The following RPS6KC1 variants were observed in gnomAD, a reference collection of about 807,000 sequenced individuals.
RPS6KC1 encodes ribosomal protein S6 kinase C1, also known as inactive ribosomal protein S6 kinase delta-1.
A neutral mutation model predicts 103.8 loss-of-function variants in RPS6KC1; 54 were observed. The observed-to-expected ratio is 0.52, with a 90% CI of 0.42 to 0.65. The LOEUF (loss-of-function observed/expected upper bound fraction) is 0.65. Ranked by LOEUF, RPS6KC1 falls within the 30% of genes least tolerant of loss-of-function variation. RPS6KC1 has a pLI of 0.00. For synonymous variants in RPS6KC1, 439 were observed against 438.7 expected, an observed-to-expected ratio of 1.00 and a Z score of -0.01; for missense variants, 1,151 against 1,253.8, an observed-to-expected ratio of 0.92 and a Z score of 1.24.
the RPS6KC1 span, among the ~76,000 whole-genome samples, chr1:213,710,269 A>G: frequency 6.6e-6 from 1 of 152,170 alleles, no homozygotes; most frequent in African/African-American, 2.4e-5. Flanking sequence ...CCATTATGTA[A>G]TGCCCTTCTT....
intron 6 of RPS6KC1, among the ~76,000 whole-genome samples, chr1:213,149,894 T>C (rs1244142811): frequency 6.6e-6 from 1 of 152,266 alleles, no homozygotes; most frequent in Non-Finnish European, 1.5e-5. Context: ...TATCATTATA[T>C]AGTGACCTTG....
At chr1:213,217,300 C>T (rs2093692242) in intron 8 of RPS6KC1, among the ~76,000 whole-genome samples, 2 of 152,140 alleles carry the variant, frequency 1.3e-5, no homozygotes, top group South Asian at 4.1e-4. Flanking sequence ...TTGACACATA[C>T]ACCCTCCCAA....
chr1:213,789,662 A>G, the RPS6KC1 span, among the ~76,000 whole-genome samples: 1 of 152,176 alleles, frequency 6.6e-6, no homozygotes, highest in Non-Finnish European at 1.5e-5. Flanking sequence ...TTAAAACGAT[A>G]AGGTACTCTA....
At chr1:213,848,578 G>A in the RPS6KC1 span, among the ~76,000 whole-genome samples, 18 of 151,838 alleles carry the variant, frequency 1.2e-4, no homozygotes, top group African/African-American at 4.4e-4. Flanking sequence ...TTTAAAAACT[G>A]TTATATACCC....
chr1:213,624,951 G>C, the RPS6KC1 span, among the ~76,000 whole-genome samples: 1 of 152,078 alleles, frequency 6.6e-6, no homozygotes, highest in Non-Finnish European at 1.5e-5. Flanking sequence ...GATTAAGCAT[G>C]TTCCCTCTTA....
the RPS6KC1 span, among the ~76,000 whole-genome samples, chr1:213,464,280 G>A: frequency 6.6e-6 from 1 of 152,024 alleles, no homozygotes; most frequent in South Asian, 2.1e-4. Flanking sequence ...TCTGTTCTTT[G>A]AATGCTTGGT....
At chr1:213,556,126 T>C in the RPS6KC1 span, among the ~76,000 whole-genome samples, 2 of 152,232 alleles carry the variant, frequency 1.3e-5, no homozygotes, top group Non-Finnish European at 2.9e-5. Flanking sequence ...TTATTGAATG[T>C]TTTTACCACT....
chr1:213,395,791 C>G, the RPS6KC1 span, among the ~76,000 whole-genome samples: 7 of 152,236 alleles, frequency 4.6e-5, no homozygotes, highest in Non-Finnish European at 1.0e-4. Flanking sequence ...AGGGAGCTCG[C>G]AGACCAGGTT....
chr1:213,563,392 A>G, the RPS6KC1 span, among the ~76,000 whole-genome samples: 1 of 152,100 alleles, frequency 6.6e-6, no homozygotes, highest in Non-Finnish European at 1.5e-5. Flanking sequence ...TTTTTTAAAA[A>G]GCAATAAGAA....
At chr1:213,741,149 T>C in the RPS6KC1 span, among the ~76,000 whole-genome samples, 5 of 150,968 alleles carry the variant, frequency 3.3e-5, no homozygotes, top group Non-Finnish European at 7.4e-5. Flanking sequence ...GTATATTATT[T>C]ATGGGGTACT....
chr1:213,217,066 C>A (rs375919383), intron 8 of RPS6KC1, among the ~76,000 whole-genome samples: 32 of 151,536 alleles, frequency 2.1e-4, no homozygotes, highest in Non-Finnish European at 3.8e-4. Flanking sequence ...CCCTTCAAAA[C>A]ATCAATGAAT....
At chr1:213,756,884 A>T in the RPS6KC1 span, among the ~76,000 whole-genome samples, 51,103 of 151,966 alleles carry the variant, frequency 0.34, 11,082 homozygotes, top group African/African-American at 0.62. Flanking sequence ...GTACTGGTAT[A>T]ATAGGAGTGA....
the RPS6KC1 span, among the ~76,000 whole-genome samples, chr1:213,602,123 T>TC: frequency 2.8e-3 from 109 of 39,554 alleles, 4 homozygotes; most frequent in African/African-American, 4.4e-3. Flanking sequence ...TTTCTTTCTC[T>TC]TTCTTTCTTT....
chr1:213,802,912 A>T, the RPS6KC1 span, among the ~76,000 whole-genome samples: 2 of 152,156 alleles, frequency 1.3e-5, no homozygotes, highest in African/African-American at 4.8e-5. Context: ...ATTCCAGGTG[A>T]CATGGTGACT....
the RPS6KC1 span, among the ~76,000 whole-genome samples, chr1:213,529,919 C>T: frequency 6.6e-6 from 1 of 152,082 alleles, no homozygotes; most frequent in African/African-American, 2.4e-5. Context: ...GAGATTCATC[C>T]CATCTATTCT....
At chr1:213,642,680 G>A in the RPS6KC1 span, among the ~76,000 whole-genome samples, 2 of 151,778 alleles carry the variant, frequency 1.3e-5, no homozygotes. Flanking sequence ...GTACTTTATT[G>A]TAATGAAGAA....
At chr1:213,228,099 C>T (rs2094001871) in intron 8 of RPS6KC1, among the ~76,000 whole-genome samples, 2 of 152,030 alleles carry the variant, frequency 1.3e-5, no homozygotes, top group South Asian at 4.2e-4. Flanking sequence ...GTTAGAGATT[C>T]TATAATAGAT....
chr1:213,772,793 CAAT>C, the RPS6KC1 span, among the ~76,000 whole-genome samples: 2 of 152,272 alleles, frequency 1.3e-5, no homozygotes, highest in Admixed American at 1.3e-4. Flanking sequence ...TACTAGAAGT[CAAT>C]AGCACAGTGG....
the RPS6KC1 span, among the ~76,000 whole-genome samples, chr1:213,319,363 G>C: frequency 3.4e-5 from 5 of 149,042 alleles, no homozygotes; most frequent in East Asian, 1.0e-3. Context: ...GAGAGTAACT[G>C]TTGATGTGTG....
Sources: allele counts gnomAD v4.1 joint callset (sites outside exome capture counted in the v4.1 genomes callset), GRCh38; gene constraint gnomAD v4.1.1; transcripts MANE v1.5; gene names NCBI Gene and HGNC (gene_info 2026-07-23, HGNC 2026-07-21).